Variants in G6PC2 observed in about 807,000 individuals in gnomAD.
The protein encoded by G6PC2 is glucose-6-phosphatase catalytic subunit 2, also known as glucose-6-phosphatase 2.
G6PC2 carries 41 observed loss-of-function variants against 35.4 expected under a neutral mutation model. The observed-to-expected ratio is 1.16, with a 90% CI of 0.90 to 1.50. G6PC2 has a LOEUF of 1.50. G6PC2 is among the 40% of genes most tolerant of loss of function. The probability of loss-of-function intolerance (pLI) is 0.00; values close to 1 mark genes in which losing one functional copy is unlikely to be tolerated. For synonymous variants in G6PC2, 165 were observed against 153.2 expected, an observed-to-expected ratio of 1.08 and a Z score of -0.57; for missense variants, 441 against 426.5, an observed-to-expected ratio of 1.03 and a Z score of -0.30.
chr2:168,903,432 T>G (rs911652597), intron 2 of G6PC2, among the ~76,000 whole-genome samples: 1 of 152,188 alleles, frequency 6.6e-6, no homozygotes, highest in African/African-American at 2.4e-5. Flanking sequence ...TCTTTATATA[T>G]CCGATTGCCT....
intron 3 of G6PC2, among the ~76,000 whole-genome samples, chr2:168,906,140 A>G (rs952494247): frequency 4.0e-5 from 6 of 150,688 alleles, no homozygotes; most frequent in African/African-American, 1.5e-4. Context: ...AGAAACAAGG[A>G]CTTTTGAAAA....
In G6PC2 at chr2:168,906,734, A is replaced by C; in HGVS notation, c.511A>C (p.Ile171Leu). Residue 171 changes from isoleucine to leucine, a missense_variant, in exon 4 of 5, where the codon ATA becomes CTA. Ile to Leu is a conservative substitution (Grantham distance 5, BLOSUM62 2). Transcript: ENST00000375363. ...QISVCISRVF[I>L]ATHFPHQVIL... ...CAGTGTCTGCATCTCCAGAGTATTC[A>C]TAGCAACACATTTTCCTCATCAAGT... 6.2e-7 allele frequency: 1 copy of C among 1,601,404 alleles called. No individual in the cohort carries two copies. Among genetic ancestry groups the C allele is most frequent in the Non-Finnish European group, 8.6e-7 (1 of 1,168,390 alleles).
intron 1 of G6PC2, among the ~76,000 whole-genome samples, chr2:168,901,907 T>C (rs1235497571): frequency 2.0e-5 from 3 of 152,034 alleles, no homozygotes; most frequent in Admixed American, 2.0e-4. Context: ...CAGCTAATTT[T>C]GTATTTTTAG....
rs1335189181 is a variant in G6PC2, at chr2:168,904,498, G to A, written c.329-7G>A. On this transcript the variant is annotated splice_region_variant and splice_polypyrimidine_tract_variant and intron_variant, in intron 2 of 4. Transcript: ENST00000375363. Reference sequence around the variant, plus strand: ...TTTTCAAATGGACGGACACTTTGTTGTTGCAGGAAGTCCATCTGGCCATGC... The same window carrying A: ...TTTTCAAATGGACGGACACTTTGTTATTGCAGGAAGTCCATCTGGCCATGC... 3 of 1,491,116 alleles carry A rather than the reference G, an allele frequency of 2.0e-6. No homozygotes were observed. The highest frequency in any genetic ancestry group is 2.8e-6 in the Non-Finnish European group (3 of 1,067,936). The allele number at this position is 1,491,116 out of a possible 1,614,324, so 92.4% of individuals were successfully genotyped here. A position where few individuals can be genotyped will look rare whatever the true frequency, so the allele number is the denominator to read the frequency against.
intron 4 of G6PC2, among the ~76,000 whole-genome samples, chr2:168,907,238 ACCAC>A (rs1690733197): frequency 6.6e-6 from 1 of 152,160 alleles, no homozygotes; most frequent in Non-Finnish European, 1.5e-5. Context: ...ATTGTTCAGC[ACCAC>A]CTTACCTTTC....
At chr2:168,902,700 T>A in intron 2 of G6PC2, 146 bp downstream of exon 2, 1 of 661,632 alleles carries the variant, frequency 1.5e-6, no homozygotes, top group Non-Finnish European at 2.7e-6. Context: ...CAATCAAAAT[T>A]ACTAATGAGG....
At position 168,907,886 on chromosome 2, in the gene G6PC2, T is replaced by A; in HGVS notation, c.875T>A (p.Phe292Tyr). 1 of 1,613,748 alleles carries A rather than the reference T, an allele frequency of 6.2e-7. No homozygotes were observed. Among genetic ancestry groups the A allele is most frequent in the Non-Finnish European group, 8.5e-7 (1 of 1,179,634 alleles). Residue 292 changes from phenylalanine to tyrosine, a missense_variant, in exon 5 of 5, where the codon TTC (phenylalanine) becomes TAC (tyrosine). Physicochemically the swap from Phe to Tyr is conservative, Grantham distance 22. Transcript: ENST00000375363. ...GGGGGAAATAACTACACACTGAGCT[T>A]CCGGTTGCTCTGTGCCTTGACCTCA... ...CRGGNNYTLSFRLLCALTSLT... is the reference protein window; with the variant it reads ...CRGGNNYTLSYRLLCALTSLT...
rs1193268323 is a variant in G6PC2, at chr2:168,909,736, TTCTCAGAATA to T, written c.*1660_*1669del. The T allele has an allele frequency of 6.6e-6, 1 of 152,226 alleles. No homozygotes were observed. The highest frequency in any genetic ancestry group is 1.5e-5 in the Non-Finnish European group (1 of 68,042). The allele number at this position is 152,226 out of a possible 1,614,324, so 9.4% of individuals were successfully genotyped here. On this transcript the variant is annotated 3_prime_UTR_variant, in exon 5 of 5. Transcript: ENST00000375363. The stretch of plus-strand genomic sequence containing the variant: ...TCCCCCACAATGTTTTATGTAACTC[TTCTCAGAATA>T]TCAATACATTAATTATTTTAGATGA...
Position 168,909,708 on chromosome 2 carries a change from T to C in G6PC2, c.*1629T>C, listed in dbSNP as rs914073564. 1 of 152,226 alleles carries C rather than the reference T, an allele frequency of 6.6e-6. No homozygotes were observed. Among genetic ancestry groups the C allele is most frequent in the African/African-American group, 2.4e-5 (1 of 41,462 alleles). 9.4% of individuals were successfully genotyped at this position (152,226 alleles called of 1,614,324 possible). ...AGGCAGATTTTGCTAGATATCTTAG[T>C]AATCCCCCACAATGTTTTATGTAAC... On this transcript the variant is annotated 3_prime_UTR_variant, in exon 5 of 5. Coordinates refer to ENST00000375363, the MANE Select transcript of G6PC2 (RefSeq NM_021176.3).
chr2:168,901,434 C>G lies in G6PC2; in HGVS notation c.103C>G (p.Pro35Ala). ...AAATTTTATGTCCAATGTTGGAGAC[C>G]CCAGGAATATCTTTTTCATTTATTT... ...FLNFMSNVGD[P>A]RNIFFIYFPL... The change falls in exon 1 of 5, where the codon CCC (proline) becomes GCC (alanine). Residue 35 changes from proline to alanine, a missense_variant. Physicochemically the swap from Pro to Ala is conservative, Grantham distance 27. Coordinates refer to ENST00000375363, the MANE Select transcript of G6PC2 (RefSeq NM_021176.3). The G allele has an allele frequency of 6.3e-7, 1 of 1,593,128 alleles. No individual in the cohort carries two copies. Among genetic ancestry groups the G allele is most frequent in the Non-Finnish European group, 8.6e-7 (1 of 1,160,878 alleles).
Position 168,908,398 on chromosome 2 carries a change from C to T in G6PC2, c.*319C>T. ...TGACCAGAGCTGCATACTAACAGTC[C>T]CCAGTAGGAGGCAAGGACTCCATTT... On this transcript the variant is annotated 3_prime_UTR_variant, in exon 5 of 5. Coordinates refer to ENST00000375363, the MANE Select transcript of G6PC2 (RefSeq NM_021176.3). The T allele has an allele frequency of 4.8e-6, 2 of 413,544 alleles. No homozygotes were observed. Among genetic ancestry groups the T allele is most frequent in the Non-Finnish European group, 8.8e-6 (2 of 226,950 alleles). 25.6% of individuals were successfully genotyped at this position (413,544 alleles called of 1,614,324 possible).
chr2:168,901,964 G>A (rs1389226280), intron 1 of G6PC2, among the ~76,000 whole-genome samples: 1 of 152,034 alleles, frequency 6.6e-6, no homozygotes, highest in Non-Finnish European at 1.5e-5. Flanking sequence ...TCTAACTCCC[G>A]ACCTCAGGTG....
chr2:168,902,140 A>C (rs1690611092), intron 1 of G6PC2, among the ~76,000 whole-genome samples: 1 of 152,252 alleles, frequency 6.6e-6, no homozygotes, highest in Non-Finnish European at 1.5e-5. Context: ...GAACAAATTG[A>C]TAATTCTAGG....
chr2:168,906,385 A>T (rs1302441790), intron 3 of G6PC2, among the ~76,000 whole-genome samples: 3 of 152,220 alleles, frequency 2.0e-5, no homozygotes, highest in African/African-American at 7.2e-5. Flanking sequence ...ATTCTTATTT[A>T]ATGGATGTCA....
At chr2:168,902,608 T>C (rs566727438) in intron 2 of G6PC2, 54 bp downstream of exon 2, 579 of 806,562 alleles carry the variant, frequency 7.2e-4, no homozygotes, top group Non-Finnish European at 1.1e-3. Flanking sequence ...AGAGAATCAT[T>C]ACACAGGGTT....
Position 168,904,636 on chromosome 2 carries a change from C to T in G6PC2, c.440+20C>T, listed in dbSNP as rs1412186981. ...GCACAGGTCAGCTTTGCTGCAGTTT[C>T]TGTAGCACTGGAATATGACAGTTTT... On this transcript the variant is annotated intron_variant, in intron 3 of 4. Transcript: ENST00000375363. 8.1e-7 allele frequency: 1 copy of T among 1,232,822 alleles called. No individual in the cohort carries two copies. Among genetic ancestry groups the T allele is most frequent in the Non-Finnish European group, 1.2e-6 (1 of 831,596 alleles). 76.4% of individuals were successfully genotyped at this position (1,232,822 alleles called of 1,614,324 possible).
At chr2:168,902,414 T>G in intron 1 of G6PC2, 31 bp from the exon 2 acceptor site, 2 of 843,514 alleles carry the variant, frequency 2.4e-6, no homozygotes, top group Non-Finnish European at 4.2e-6. Context: ...TATTTAAATA[T>G]ATATGCATGT....
At chr2:168,902,169 C>T (rs1369197244) in intron 1 of G6PC2, among the ~76,000 whole-genome samples, 1 of 152,066 alleles carries the variant, frequency 6.6e-6, no homozygotes, top group Non-Finnish European at 1.5e-5. Context: ...TTGATATTTC[C>T]AGTCTAAGTA....
rs189856873 is a variant in G6PC2, at chr2:168,908,126, A to G, written c.*47A>G. On this transcript the variant is annotated 3_prime_UTR_variant, in exon 5 of 5. Transcript: ENST00000375363. ...TCTGTGTCACAGATCACCCTTCTCC[A>G]TCCACCAGTAGAGCCACAGAGTAGG... 3,551 of 1,500,234 alleles carry G rather than the reference A, an allele frequency of 2.4e-3. 8 individuals are homozygous for G. Among genetic ancestry groups the G allele is most frequent in the Non-Finnish European group, 2.8e-3 (3,050 of 1,078,796 alleles). The allele number at this position is 1,500,234 out of a possible 1,614,324, so 92.9% of individuals were successfully genotyped here. A position where few individuals can be genotyped will look rare whatever the true frequency, so the allele number is the denominator to read the frequency against.
Sources: allele counts gnomAD v4.1 joint callset (sites outside exome capture counted in the v4.1 genomes callset), GRCh38; gene constraint gnomAD v4.1.1; transcripts MANE v1.5; gene names NCBI Gene and HGNC (gene_info 2026-07-23, HGNC 2026-07-21).